Variants in DOCK3 observed in about 807,000 individuals in gnomAD.
The protein encoded by DOCK3 is dedicator of cytokinesis protein 3.
DOCK3 carries 60 observed loss-of-function variants against 265.6 expected under a neutral mutation model. The ratio of observed to expected loss-of-function variants is 0.23; its 90% CI spans 0.18 to 0.28. The LOEUF is 0.28. Ranked by LOEUF, DOCK3 falls within the 10% of genes least tolerant of loss-of-function variation. The probability of loss-of-function intolerance (pLI) is 1.00; values close to 1 mark genes in which losing one functional copy is unlikely to be tolerated. For synonymous variants in DOCK3, 881 were observed against 938.0 expected, an observed-to-expected ratio of 0.94 and a Z score of 1.11; for missense variants, 1,981 against 2,594.3, an observed-to-expected ratio of 0.76 and a Z score of 5.14.
intron 5 of DOCK3, among the ~76,000 whole-genome samples, chr3:50,969,666 G>T (rs780483686): frequency 6.6e-6 from 1 of 152,108 alleles, no homozygotes; most frequent in Non-Finnish European, 1.5e-5. Flanking sequence ...TTTTAGTACT[G>T]ATCTAGTGGT....
intron 12 of DOCK3, among the ~76,000 whole-genome samples, chr3:51,205,705 A>C (rs1361626003): frequency 6.6e-6 from 1 of 152,188 alleles, no homozygotes; most frequent in Non-Finnish European, 1.5e-5. Flanking sequence ...TGTATAGATC[A>C]GTTAATAGAT....
chr3:50,802,751 T>C (rs1297935282), intron 2 of DOCK3, among the ~76,000 whole-genome samples: 4 of 152,132 alleles, frequency 2.6e-5, no homozygotes, highest in Admixed American at 1.3e-4. Flanking sequence ...AATATATGTC[T>C]CTCAGTGAGG....
chr3:50,971,986 A>C (rs987914191), intron 5 of DOCK3, among the ~76,000 whole-genome samples: 2 of 152,244 alleles, frequency 1.3e-5, no homozygotes, highest in African/African-American at 4.8e-5. Flanking sequence ...CTTCCCTGTC[A>C]TGCTCTTGTC....
intron 5 of DOCK3, among the ~76,000 whole-genome samples, chr3:51,012,789 C>A (rs113149152): frequency 7.2e-5 from 11 of 152,238 alleles, no homozygotes; most frequent in Admixed American, 7.2e-4. Context: ...ATCTTTGAAT[C>A]GCCCAGATTT....
chr3:50,905,201 C>T (rs1295454005), intron 4 of DOCK3, among the ~76,000 whole-genome samples: 3 of 152,094 alleles, frequency 2.0e-5, no homozygotes, highest in Non-Finnish European at 2.9e-5. Flanking sequence ...AGTGTGATGC[C>T]TCCAGCTTTG....
intron 46 of DOCK3, 95 bp downstream of exon 46, chr3:51,358,172 A>G (rs917635994): frequency 1.5e-6 from 2 of 1,311,514 alleles, no homozygotes; most frequent in African/African-American, 2.9e-5. Context: ...GGAGAGAGGG[A>G]GCCTGGGCAG....
chr3:51,159,722 C>T (rs999298320), intron 11 of DOCK3, among the ~76,000 whole-genome samples: 1 of 152,166 alleles, frequency 6.6e-6, no homozygotes, highest in Admixed American at 6.5e-5. Context: ...CTGTGGCTCT[C>T]TCCACAAAAT....
intron 13 of DOCK3, among the ~76,000 whole-genome samples, chr3:51,213,531 G>A (rs1490572214): frequency 6.6e-6 from 1 of 152,172 alleles, no homozygotes; most frequent in Non-Finnish European, 1.5e-5. Context: ...TGGAGGATCT[G>A]AAATCCTCAT....
At chr3:51,372,645 CACATGCTTGGTGT>C (rs1408074044) in intron 49 of DOCK3, among the ~76,000 whole-genome samples, 3 of 152,198 alleles carry the variant, frequency 2.0e-5, no homozygotes, top group Non-Finnish European at 4.4e-5. Flanking sequence ...AGGTTCCAAT[CACATGCTTGGTGT>C]GGAATGGGCA....
rs911382264 is a variant in DOCK3, at chr3:51,021,136, A to G, written c.316-43312A>G. Among the ~76,000 whole-genome samples, 2 of 151,784 alleles carry G rather than the reference A, an allele frequency of 1.3e-5. 1 individual carries two copies. The highest frequency in any genetic ancestry group is 4.9e-5 in the African/African-American group (2 of 41,164). On this transcript the variant is annotated intron_variant, in intron 5 of 52. Transcript: ENST00000266037. ...TTTTTCCATTTGTTTTGTCCTCTCT[A>G]ATTTCCTTGAGCAGTGTTTTGTAGT... is the stretch of plus-strand genomic sequence containing the variant.
At chr3:51,274,979 C>T (rs2080730872) in intron 24 of DOCK3, 100 bp from the exon 25 acceptor site, 1 of 1,482,934 alleles carries the variant, frequency 6.7e-7, no homozygotes. Flanking sequence ...GTCTGAACCC[C>T]ACCTGCTTTG....
intron 27 of DOCK3, among the ~76,000 whole-genome samples, chr3:51,296,792 C>A (rs2082105861): frequency 6.6e-6 from 1 of 151,970 alleles, no homozygotes; most frequent in Non-Finnish European, 1.5e-5. Context: ...AAAGAAGTGT[C>A]TTTTCAACAA....
chr3:51,106,026 C>T (rs1221175655), intron 9 of DOCK3, among the ~76,000 whole-genome samples: 1 of 152,220 alleles, frequency 6.6e-6, no homozygotes, highest in East Asian at 1.9e-4. Context: ...AGGGGCAGAA[C>T]TCTGGTCAGG....
chr3:50,770,767 A>G (rs1378280277), intron 1 of DOCK3, among the ~76,000 whole-genome samples: 1 of 152,136 alleles, frequency 6.6e-6, no homozygotes, highest in Non-Finnish European at 1.5e-5. Context: ...CCTAACCCTA[A>G]CCGTACCTTA....
intron 22 of DOCK3, among the ~76,000 whole-genome samples, chr3:51,251,223 A>G (rs985999808): frequency 6.6e-6 from 1 of 152,210 alleles, no homozygotes; most frequent in African/African-American, 2.4e-5. Context: ...GCTGCATAGT[A>G]TTCCATGGTG....
intron 5 of DOCK3, among the ~76,000 whole-genome samples, chr3:51,040,345 A>G (rs2080433535): frequency 6.6e-6 from 1 of 152,188 alleles, no homozygotes; most frequent in Admixed American, 6.5e-5. Flanking sequence ...ATATTGCAAT[A>G]AAGCAAGTCA....
At chr3:51,089,130 A>T in intron 7 of DOCK3, 113 bp from the exon 8 acceptor site, 1 of 1,080,086 alleles carries the variant, frequency 9.3e-7, no homozygotes, top group African/African-American at 1.6e-5. Context: ...TATCAGAATT[A>T]AATGAGATCA....
chr3:51,009,006 T>A (rs1409732966), intron 5 of DOCK3, among the ~76,000 whole-genome samples: 1 of 152,242 alleles, frequency 6.6e-6, no homozygotes, highest in African/African-American at 2.4e-5. Context: ...GATGTGCCGC[T>A]GGATTTGGTT....
chr3:51,354,256 T>G (rs2086208329), intron 40 of DOCK3, among the ~76,000 whole-genome samples: 1 of 142,042 alleles, frequency 7.0e-6, no homozygotes, highest in African/African-American at 2.7e-5. Context: ...GTGGCACCCA[T>G]AGCAATCACT....
Sources: allele counts gnomAD v4.1 joint callset (sites outside exome capture counted in the v4.1 genomes callset), GRCh38; gene constraint gnomAD v4.1.1; transcripts MANE v1.5; gene names NCBI Gene and HGNC (gene_info 2026-07-23, HGNC 2026-07-21).